SV2C: variants seen among roughly 807,000 people sequenced by gnomAD.
The protein encoded by SV2C is synaptic vesicle glycoprotein 2C.
SV2C carries 49 observed loss-of-function variants against 79.7 expected under a neutral mutation model. The observed-to-expected ratio is 0.61, with a 90% CI of 0.49 to 0.78. SV2C has a LOEUF of 0.78. Ranked by LOEUF, SV2C falls within the 30% of genes least tolerant of loss-of-function variation. SV2C has a pLI of 0.00. For synonymous variants in SV2C, 334 were observed against 333.2 expected, an observed-to-expected ratio of 1.00 and a Z score of -0.03; for missense variants, 833 against 912.9, an observed-to-expected ratio of 0.91 and a Z score of 1.13.
chr5:76,346,964 T>C (rs988243313), intron 12 of SV2C, among the ~76,000 whole-genome samples: 4 of 152,186 alleles, frequency 2.6e-5, no homozygotes, highest in African/African-American at 9.7e-5. Flanking sequence ...TAAATCAGAT[T>C]TCCCCAGAAA....
rs35414870 is a variant in SV2C, at chr5:76,312,263, TGG to T, written c.2000+10727_2000+10728del. 2.8e-5 allele frequency among the ~76,000 whole-genome samples: 4 copies of T among 144,840 alleles called. No individual in the cohort carries two copies. In the South Asian group the frequency reaches 9.0e-4, roughly 33 times the overall value. ...TGGCTCAGGGGCCACTTTTTTTTTT[TGG>T]GGGGGGGGACAGGGTCTCACTCTGT... On this transcript the variant is annotated intron_variant, in intron 12 of 12. Coordinates refer to ENST00000502798, the MANE Select transcript of SV2C (RefSeq NM_014979.4).
At chr5:76,209,909 A>G (rs773065021) in intron 4 of SV2C, 22 bp downstream of exon 4, 1 of 1,597,122 alleles carries the variant, frequency 6.3e-7, no homozygotes, top group South Asian at 1.1e-5. Flanking sequence ...GCCTTGCCCC[A>G]GCTGGGCAGT....
chr5:76,109,952 CA>C (rs541328580), intron 1 of SV2C, among the ~76,000 whole-genome samples: 104 of 152,280 alleles, frequency 6.8e-4, no homozygotes, highest in African/African-American at 2.5e-3. Flanking sequence ...TTTAAATCCA[CA>C]ATGACTTAAG....
At chr5:76,344,270 T>G (rs1434668794) in intron 12 of SV2C, among the ~76,000 whole-genome samples, 1 of 152,250 alleles carries the variant, frequency 6.6e-6, no homozygotes, top group Non-Finnish European at 1.5e-5. Context: ...CAGCTTGCCC[T>G]TGATTTGTTA....
At chr5:75,919,719 G>A in the SV2C span, among the ~76,000 whole-genome samples, 1 of 152,182 alleles carries the variant, frequency 6.6e-6, no homozygotes. Context: ...CTTTGTTGAT[G>A]TTCTTTCTTA....
the SV2C span, among the ~76,000 whole-genome samples, chr5:75,927,806 T>A: frequency 5.3e-5 from 8 of 152,308 alleles, no homozygotes; most frequent in East Asian, 1.5e-3. Flanking sequence ...ACATGAAATG[T>A]GTGCAATTTT....
chr5:76,339,300 C>T (rs965485691), intron 12 of SV2C, among the ~76,000 whole-genome samples: 1 of 152,138 alleles, frequency 6.6e-6, no homozygotes, highest in African/African-American at 2.4e-5. Context: ...TTTTTCAGTG[C>T]ATATTCTTTG....
intron 4 of SV2C, 40 bp from the exon 5 acceptor site, chr5:76,285,122 G>A: frequency 1.2e-6 from 2 of 1,609,278 alleles, no homozygotes; most frequent in Non-Finnish European, 1.7e-6. Flanking sequence ...AGGCTGTCTG[G>A]GAGGAGCTCT....
rs190090646 is a variant in SV2C, at chr5:76,349,052, C to T, written c.2001-4078C>T. 7.9e-5 allele frequency among the ~76,000 whole-genome samples: 12 copies of T among 152,130 alleles called. No individual in the cohort carries two copies. The East Asian group carries it at 2.3e-3, about 30-fold the overall frequency. On this transcript the variant is annotated intron_variant, in intron 12 of 12. Coordinates refer to the SV2C transcript ENST00000322285. ...GAGCCAAATTTCCTGGGTCCATTTC[C>T]ATACTCTATCATGTCTAACTAGTTA...
intron 3 of SV2C, 56 bp from the exon 4 acceptor site, chr5:76,209,680 G>A (rs1241682795): frequency 2.1e-5 from 33 of 1,543,988 alleles, no homozygotes; most frequent in African/African-American, 2.7e-5. Flanking sequence ...TGCCCTTTGC[G>A]TCTCACATGA....
the SV2C span, among the ~76,000 whole-genome samples, chr5:75,972,226 G>A: frequency 1.3e-5 from 2 of 152,062 alleles, no homozygotes; most frequent in African/African-American, 4.8e-5. Context: ...GAAAACCCTA[G>A]AAGAAAACCT....
chr5:76,285,138 A>T, intron 4 of SV2C, 24 bp from the exon 5 acceptor site: 1 of 1,612,292 alleles, frequency 6.2e-7, no homozygotes, highest in South Asian at 1.1e-5. Context: ...GCTCTCCCTC[A>T]CTCTCCGTGT....
the SV2C span, among the ~76,000 whole-genome samples, chr5:75,981,205 A>C: frequency 5.8e-4 from 88 of 152,232 alleles, no homozygotes; most frequent in African/African-American, 1.9e-3. Flanking sequence ...CCACTGCTCA[A>C]ACAAATCAGA....
chr5:75,964,978 A>G, the SV2C span, among the ~76,000 whole-genome samples: 2 of 152,202 alleles, frequency 1.3e-5, no homozygotes, highest in Admixed American at 6.5e-5. Context: ...CCGCAACTAC[A>G]ATAGTATATT....
upstream of SV2C, among the ~76,000 whole-genome samples, chr5:76,080,705 T>C (rs1746972839): frequency 6.6e-6 from 1 of 152,208 alleles, no homozygotes; most frequent in African/African-American, 2.4e-5. Flanking sequence ...GACGACACCC[T>C]GCATTGAGGA....
chr5:76,271,532 C>T (rs976575273), intron 4 of SV2C, among the ~76,000 whole-genome samples: 16 of 151,030 alleles, frequency 1.1e-4, no homozygotes, highest in Admixed American at 9.2e-4. Context: ...TTGGAGCATA[C>T]GTGGAGCATT....
At chr5:76,177,338 CA>C (rs1387744290) in intron 2 of SV2C, among the ~76,000 whole-genome samples, 1 of 151,192 alleles carries the variant, frequency 6.6e-6, no homozygotes, top group Admixed American at 6.6e-5. Context: ...TTATATGTTC[CA>C]GGACCCGCTA....
intron 1 of SV2C, among the ~76,000 whole-genome samples, chr5:76,115,219 G>A (rs981915281): frequency 4.6e-5 from 7 of 152,168 alleles, no homozygotes; most frequent in African/African-American, 1.7e-4. Flanking sequence ...ACTGCTTTTA[G>A]TTTTCCATCT....
chr5:76,152,369 C>A (rs13179555), intron 2 of SV2C, among the ~76,000 whole-genome samples: 14,291 of 152,230 alleles, frequency 0.094, 901 homozygotes, highest in Non-Finnish European at 0.14. Flanking sequence ...TATTAGTCAT[C>A]TTCTGCAAGG....
Sources: allele counts gnomAD v4.1 joint callset (sites outside exome capture counted in the v4.1 genomes callset), GRCh38; gene constraint gnomAD v4.1.1; transcripts MANE v1.5; gene names NCBI Gene and HGNC (gene_info 2026-07-23, HGNC 2026-07-21).